SLC2A13: variants seen among roughly 807,000 people sequenced by gnomAD.
The protein encoded by SLC2A13 is proton myo-inositol cotransporter.
Under a neutral mutation model 64.4 loss-of-function variants are expected in SLC2A13, and 32 were observed. The observed-to-expected ratio is 0.50, with a 90% CI of 0.37 to 0.67. The LOEUF (loss-of-function observed/expected upper bound fraction) is 0.67. Among genes scored for constraint, SLC2A13 ranks in the 30% least tolerant of loss-of-function variants. SLC2A13 has a pLI of 0.00. For missense variants in SLC2A13, 743 were observed against 829.2 expected, an observed-to-expected ratio of 0.90 and a Z score of 1.28; for synonymous variants, 338 against 327.1, an observed-to-expected ratio of 1.03 and a Z score of -0.36.
intron 1 of SLC2A13, among the ~76,000 whole-genome samples, chr12:40,060,205 G>A (rs540967351): frequency 6.6e-6 from 1 of 152,256 alleles, no homozygotes; most frequent in African/African-American, 2.4e-5. Context: ...ATGATGAATG[G>A]ATGACAGGTA....
intron 1 of SLC2A13, among the ~76,000 whole-genome samples, chr12:40,055,080 T>C (rs1181422649): frequency 6.6e-6 from 1 of 152,208 alleles, no homozygotes; most frequent in South Asian, 2.1e-4. Flanking sequence ...AGGGCTGATA[T>C]GTTTACATTT....
chr12:39,857,281 A>G (rs1461886874), intron 6 of SLC2A13, among the ~76,000 whole-genome samples: 2 of 152,220 alleles, frequency 1.3e-5, no homozygotes, highest in Non-Finnish European at 2.9e-5. Context: ...TGTGCTCATT[A>G]TGTGACTGTT....
chr12:39,942,727 G>A (rs1946056871), intron 4 of SLC2A13, among the ~76,000 whole-genome samples: 1 of 152,124 alleles, frequency 6.6e-6, no homozygotes, highest in South Asian at 2.1e-4. Flanking sequence ...GGAGGAGTTT[G>A]TTATTATCCA....
At chr12:39,949,942 C>CTGGCACTA (rs1946200102) in intron 4 of SLC2A13, 1 of 152,144 alleles carries the variant, frequency 6.6e-6, no homozygotes, top group Non-Finnish European at 1.5e-5. Flanking sequence ...TCAAACGTGC[C>CTGGCACTA]TGGCACTAGA....
intron 1 of SLC2A13, among the ~76,000 whole-genome samples, chr12:40,086,279 C>T (rs1293436466): frequency 6.6e-6 from 1 of 151,936 alleles, no homozygotes; most frequent in Non-Finnish European, 1.5e-5. Flanking sequence ...TTTTTAATCC[C>T]ACTACTCCCC....
chr12:39,897,610 T>A (rs1183372601), intron 4 of SLC2A13, among the ~76,000 whole-genome samples: 1 of 152,206 alleles, frequency 6.6e-6, no homozygotes, highest in East Asian at 1.9e-4. Flanking sequence ...CACATGCAGC[T>A]CTTGAGCACT....
chr12:39,812,382 C>CTTTTCTTTTCTTTTT (rs375533439), intron 7 of SLC2A13, among the ~76,000 whole-genome samples: 1 of 101,348 alleles, frequency 9.9e-6, no homozygotes, highest in African/African-American at 3.4e-5. Flanking sequence ...CTTTTCTTTT[C>CTTTTCTTTTCTTTTT]TTTCTTTCTC....
At chr12:40,070,969 T>C (rs17518280) in intron 1 of SLC2A13, among the ~76,000 whole-genome samples, 1 of 152,254 alleles carries the variant, frequency 6.6e-6, no homozygotes, top group African/African-American at 2.4e-5. Flanking sequence ...CAACCGGTTA[T>C]ATGCAGGGAC....
intron 1 of SLC2A13, among the ~76,000 whole-genome samples, chr12:40,067,186 G>A (rs543383569): frequency 6.6e-6 from 1 of 152,160 alleles, no homozygotes; most frequent in South Asian, 2.1e-4. Context: ...ATAAGTGCTA[G>A]TTTACTATAT....
At chr12:39,896,412 G>GTATGTATATGTGTATATATGTATACATA (rs1565528337) in intron 4 of SLC2A13, among the ~76,000 whole-genome samples, 207 of 132,360 alleles carry the variant, frequency 1.6e-3, no homozygotes, top group Non-Finnish European at 2.2e-3. Context: ...ATACATATAT[G>GTATGTATATGTGTATATATGTATACATA]TATGTATATG....
chr12:40,017,446 A>G (rs1947638334), intron 3 of SLC2A13, among the ~76,000 whole-genome samples: 2 of 152,126 alleles, frequency 1.3e-5, no homozygotes, highest in Admixed American at 6.6e-5. Flanking sequence ...TTCTTTAAGG[A>G]TTTCCTCATT....
chr12:39,853,170 C>G (rs953588838), intron 6 of SLC2A13, among the ~76,000 whole-genome samples: 1 of 152,150 alleles, frequency 6.6e-6, no homozygotes, highest in South Asian at 2.1e-4. Flanking sequence ...CCTAGTTACG[C>G]TCACAAAGAA....
intron 6 of SLC2A13, among the ~76,000 whole-genome samples, chr12:39,841,123 C>G (rs1592193632): frequency 6.6e-6 from 1 of 152,112 alleles, no homozygotes; most frequent in East Asian, 1.9e-4. Flanking sequence ...TAAGATTCAA[C>G]TGACTCCTGA....
At chr12:40,034,178 G>A (rs777358595) in intron 2 of SLC2A13, among the ~76,000 whole-genome samples, 8 of 152,146 alleles carry the variant, frequency 5.3e-5, no homozygotes, top group African/African-American at 1.4e-4. Flanking sequence ...TGTAGCCCTT[G>A]AGGAGCTGAA....
intron 3 of SLC2A13, among the ~76,000 whole-genome samples, chr12:39,965,401 C>T (rs925126132): frequency 3.9e-5 from 6 of 152,082 alleles, no homozygotes; most frequent in Admixed American, 3.3e-4. Flanking sequence ...GTTAAAGTCT[C>T]CTCTTGTTAC....
In SLC2A13 at chr12:39,871,726, T is replaced by C. The variant is rs1036939504; in HGVS notation, c.1198+72A>G. 6.9e-6 allele frequency: 10 copies of C among 1,440,382 alleles called. No homozygotes were observed. The African/African-American group carries it at 1.4e-4, about 21-fold the overall frequency. 89.2% of individuals were successfully genotyped at this position (1,440,382 alleles called of 1,614,324 possible). On this transcript the variant is annotated intron_variant, in intron 5 of 9. Coordinates refer to ENST00000280871, the MANE Select transcript of SLC2A13 (RefSeq NM_052885.4). ...AATATTAGAAGTGGTGTAAGTATTGTATTTTTGAAGGTTAAACTTGAAGTT... is the reference window on the plus strand; with the variant it reads ...AATATTAGAAGTGGTGTAAGTATTGCATTTTTGAAGGTTAAACTTGAAGTT...
At chr12:39,941,913 C>T (rs2136086726) in intron 4 of SLC2A13, among the ~76,000 whole-genome samples, 1 of 152,298 alleles carries the variant, frequency 6.6e-6, no homozygotes, top group South Asian at 2.1e-4. Context: ...GATCCAGTTT[C>T]ATTCTCCTAC....
chr12:39,872,265 A>C, intron 4 of SLC2A13, among the ~76,000 whole-genome samples: 1 of 152,214 alleles, frequency 6.6e-6, no homozygotes, highest in East Asian at 1.9e-4. Context: ...AGTTTCACTA[A>C]AACTGTATCA....
At chr12:39,900,039 T>C (rs1945042328) in intron 4 of SLC2A13, among the ~76,000 whole-genome samples, 1 of 152,078 alleles carries the variant, frequency 6.6e-6, no homozygotes, top group South Asian at 2.1e-4. Flanking sequence ...GTTCATTATA[T>C]GCAAATCAAT....
Sources: allele counts gnomAD v4.1 joint callset (sites outside exome capture counted in the v4.1 genomes callset), GRCh38; gene constraint gnomAD v4.1.1; transcripts MANE v1.5; gene names NCBI Gene and HGNC (gene_info 2026-07-23, HGNC 2026-07-21).